CHRM5: variants seen among roughly 807,000 people sequenced by gnomAD.
CHRM5 encodes cholinergic receptor muscarinic 5.
In CHRM5, 18 loss-of-function variants were observed where a neutral mutation model predicts 39.0. The ratio of observed to expected loss-of-function variants is 0.46; its 90% CI spans 0.32 to 0.68. The LOEUF (loss-of-function observed/expected upper bound fraction) is 0.68. Ranked by LOEUF, CHRM5 falls within the 30% of genes least tolerant of loss-of-function variation. The pLI is 0.04. For synonymous variants in CHRM5, 241 were observed against 246.3 expected, an observed-to-expected ratio of 0.98 and a Z score of 0.20; for missense variants, 515 against 651.1, an observed-to-expected ratio of 0.79 and a Z score of 2.28.
intron 1 of CHRM5, among the ~76,000 whole-genome samples, chr15:33,987,148 G>A (rs1157056681): frequency 6.6e-6 from 1 of 152,162 alleles, no homozygotes; most frequent in Non-Finnish European, 1.5e-5. Flanking sequence ...TGAGACCAGT[G>A]CAGTATTCTC....
intron 1 of CHRM5, among the ~76,000 whole-genome samples, chr15:34,013,506 C>A (rs1174609936): frequency 6.6e-6 from 1 of 152,226 alleles, no homozygotes; most frequent in Non-Finnish European, 1.5e-5. Flanking sequence ...GCTACTTTTG[C>A]TCCTTGCACC....
intron 2 of CHRM5, among the ~76,000 whole-genome samples, chr15:34,054,479 T>C (rs1287399561): frequency 2.0e-5 from 3 of 152,194 alleles, no homozygotes; most frequent in Non-Finnish European, 4.4e-5. Context: ...AGATACACCA[T>C]GGAATACTAT....
chr15:34,052,600 A>G (rs1899967969), intron 2 of CHRM5, among the ~76,000 whole-genome samples: 1 of 152,246 alleles, frequency 6.6e-6, no homozygotes, highest in African/African-American at 2.4e-5. Context: ...AGAAAGCTCC[A>G]TCATTTCAGC....
chr15:34,063,879 G>C lies in CHRM5; in HGVS notation c.1162G>C (p.Asp388His). Residue 388 changes from aspartate (D) to histidine (H), a missense_variant, in exon 3 of 3, where the codon GAC becomes CAC. By Grantham distance (81) the Asp-to-His change is moderately conservative (BLOSUM62 -1). Coordinates refer to ENST00000383263, the MANE Select transcript of CHRM5 (RefSeq NM_012125.4). This position sits in a 1 kb window ranked among gnomAD's most constrained non-coding sequence, Gnocchi z 4.1. ...AYKFRLVVKA[D>H]GNQETNNGCH... ...TAAGTTCCGATTGGTGGTAAAAGCTGACGGGAACCAGGAGACCAACAATGG... is the reference window on the plus strand; with the variant it reads ...TAAGTTCCGATTGGTGGTAAAAGCTCACGGGAACCAGGAGACCAACAATGG... 6.2e-7 allele frequency: 1 copy of C among 1,614,196 alleles called. No homozygotes were observed. Among genetic ancestry groups the C allele is most frequent in the Non-Finnish European group, 8.5e-7 (1 of 1,180,036 alleles).
At chr15:34,032,803 T>C (rs933767082) in intron 1 of CHRM5, among the ~76,000 whole-genome samples, 6 of 152,174 alleles carry the variant, frequency 3.9e-5, no homozygotes, top group South Asian at 4.1e-4. Context: ...GCCTCAACAA[T>C]AGGATAATTT....
chr15:33,993,153 G>C (rs1448969020), intron 1 of CHRM5, among the ~76,000 whole-genome samples: 1 of 151,920 alleles, frequency 6.6e-6, no homozygotes, highest in Non-Finnish European at 1.5e-5. Flanking sequence ...TTGACTTTTG[G>C]GGAAAAAAAA....
At chr15:33,980,570 A>G (rs1252513147) in intron 1 of CHRM5, among the ~76,000 whole-genome samples, 1 of 152,160 alleles carries the variant, frequency 6.6e-6, no homozygotes, top group Non-Finnish European at 1.5e-5. Flanking sequence ...AGATCAGGCA[A>G]AAGGCATCAA....
At position 34,064,264 on chromosome 15, in the gene CHRM5, A is replaced by G. The variant is rs748922643; in HGVS notation, c.1547A>G (p.Lys516Arg). 2 of 1,614,004 alleles carry G rather than the reference A, an allele frequency of 1.2e-6. No individual in the cohort carries two copies. Among genetic ancestry groups the G allele is most frequent in the African/African-American group, 1.3e-5 (1 of 74,932 alleles). Residue 516 changes from lysine to arginine, a missense_variant, in exon 3 of 3, where the codon AAG (lysine) becomes AGG (arginine). By Grantham distance (26) the Lys-to-Arg change is conservative. Transcript: ENST00000383263. ...ATGCTGCTTCTCTGCCGATGGAAAA[A>G]GAAAAAAGTGGAAGAGAAGTTGTAC... ...FKMLLLCRWKKKKVEEKLYWQ... is the reference protein window; with the variant it reads ...FKMLLLCRWKRKKVEEKLYWQ...
intron 2 of CHRM5, among the ~76,000 whole-genome samples, chr15:34,057,762 C>A (rs1033734967): frequency 1.3e-5 from 2 of 152,164 alleles, no homozygotes; most frequent in Non-Finnish European, 2.9e-5. Flanking sequence ...TGACACTGTT[C>A]TCCAGCCTGA....
intron 1 of CHRM5, among the ~76,000 whole-genome samples, chr15:34,016,234 C>CA (rs1405756643): frequency 3.3e-5 from 5 of 152,282 alleles, no homozygotes; most frequent in East Asian, 3.9e-4. Context: ...AACTCCATCT[C>CA]AAAAAACAAA....
At chr15:34,000,390 C>A (rs11072868) in intron 1 of CHRM5, among the ~76,000 whole-genome samples, 22,649 of 152,122 alleles carry the variant, frequency 0.15, 2,132 homozygotes, top group Middle Eastern at 0.27. Context: ...ACACTAGATA[C>A]CATTCAATCA....
At chr15:34,003,332 G>T in intron 1 of CHRM5, 1 of 774,610 alleles carries the variant, frequency 1.3e-6, no homozygotes, top group Non-Finnish European at 2.1e-6. Context: ...GCTGTCTGAA[G>T]ATATTAAATA....
intron 1 of CHRM5, chr15:34,039,252 A>C (rs1899352013): frequency 1.3e-5 from 3 of 227,166 alleles, no homozygotes; most frequent in Non-Finnish European, 2.2e-5. Context: ...TGGGGCCGGA[A>C]CCGGGACCGC....
chr15:34,012,495 A>G (rs548944398), intron 1 of CHRM5, among the ~76,000 whole-genome samples: 1 of 152,188 alleles, frequency 6.6e-6, no homozygotes, highest in African/African-American at 2.4e-5. Context: ...CTTCAGGTAC[A>G]TCTGCCTCTC....
chr15:33,983,811 A>G (rs1597310307), intron 1 of CHRM5, among the ~76,000 whole-genome samples: 1 of 152,092 alleles, frequency 6.6e-6, no homozygotes, highest in East Asian at 1.9e-4. Flanking sequence ...AAGTGATCAG[A>G]GTTAACATCA....
intron 1 of CHRM5, among the ~76,000 whole-genome samples, chr15:33,981,929 C>T (rs1337596126): frequency 1.3e-5 from 2 of 152,124 alleles, no homozygotes; most frequent in Non-Finnish European, 2.9e-5. Flanking sequence ...CAGCTCACTG[C>T]AACCTCCACC....
intron 1 of CHRM5, chr15:33,972,465 G>A (rs1895679829): frequency 6.6e-6 from 1 of 151,456 alleles, no homozygotes; most frequent in African/African-American, 2.4e-5. Flanking sequence ...GCAGGGAGGG[G>A]GCTGGTTAAC....
chr15:33,986,009 T>C (rs1159250138), intron 1 of CHRM5, among the ~76,000 whole-genome samples: 1 of 152,216 alleles, frequency 6.6e-6, no homozygotes, highest in Non-Finnish European at 1.5e-5. Flanking sequence ...CAGAAATTCA[T>C]GATGGCATAA....
At chr15:33,971,543 T>C (rs1002720976) in intron 1 of CHRM5, among the ~76,000 whole-genome samples, 1 of 152,046 alleles carries the variant, frequency 6.6e-6, no homozygotes, top group African/African-American at 2.4e-5. Context: ...AAAGTAATTT[T>C]TGTCTGAAAT....
Sources: gnomAD v4.1 joint callset for allele counts (sites outside exome capture counted in the v4.1 genomes callset) on GRCh38, gnomAD v4.1.1 for gene constraint, Gnocchi (gnomAD v3.1) non-coding constraint, MANE v1.5 for transcripts, NCBI Gene and HGNC (gene_info 2026-07-23, HGNC 2026-07-21) for gene names.